The following TRIM2 variants were observed in gnomAD, a reference collection of about 807,000 sequenced individuals.
TRIM2 encodes tripartite motif-containing protein 2.
Under a neutral mutation model 75.2 loss-of-function variants are expected in TRIM2, and 20 were observed. That is an observed-to-expected ratio of 0.27 (90% confidence interval 0.19 to 0.39). The LOEUF is 0.39. Among genes scored for constraint, TRIM2 ranks in the 10% least tolerant of loss-of-function variants. The pLI, the probability that TRIM2 is intolerant of heterozygous loss-of-function variation, is 1.00. For missense variants in TRIM2, 660 were observed against 990.8 expected (o/e 0.67, Z 4.48); for synonymous variants, 373 against 388.3 (o/e 0.96, Z 0.46).
intron 1 of TRIM2, among the ~76,000 whole-genome samples, chr4:153,225,679 G>T (rs1741920409): frequency 6.6e-6 from 1 of 152,156 alleles, no homozygotes; most frequent in African/African-American, 2.4e-5. Flanking sequence ...AGGTAGAGAG[G>T]AAATTAAGGG....
At chr4:153,159,882 G>A in intron 1 of TRIM2, among the ~76,000 whole-genome samples, 1 of 152,026 alleles carries the variant, frequency 6.6e-6, no homozygotes, top group South Asian at 2.1e-4. Flanking sequence ...AATAAACTTT[G>A]AAAAAATTCA....
intron 1 of TRIM2, among the ~76,000 whole-genome samples, chr4:153,177,893 C>T (rs890699351): frequency 1.4e-4 from 22 of 152,010 alleles, no homozygotes; most frequent in Non-Finnish European, 3.1e-4. Context: ...CCTCCACCTC[C>T]AGGACTCCAG....
chr4:153,217,795 A>C (rs1434658642), intron 1 of TRIM2, among the ~76,000 whole-genome samples: 1 of 152,220 alleles, frequency 6.6e-6, no homozygotes, highest in Non-Finnish European at 1.5e-5. Flanking sequence ...ATGTTCACAC[A>C]GTCATAGCCA....
In TRIM2 at chr4:153,295,918, C is replaced by T. The variant is rs141510470; in HGVS notation, c.1392C>T (p.Arg464=). 6.2e-6 allele frequency: 10 copies of T among 1,608,488 alleles called. No homozygotes were observed. Among genetic ancestry groups the T allele is most frequent in the Middle Eastern group, 1.7e-4 (1 of 6,014 alleles). The change falls in exon 6 of 12, where the codon CGC becomes CGT. Residue 464 remains arginine, a synonymous_variant. Transcript: ENST00000338700. This position sits in a 1 kb window ranked among gnomAD's most constrained non-coding sequence, Gnocchi z 7.2. ...CCACCACAGAAGGCGTGAAGAGGCG[C>T]GTTAAGTCCCCGGGGAGCGGCCACG... ...VSPTTEGVKR[R]VKSPGSGHVK... is the part of the protein sequence containing the mutation.
intron 1 of TRIM2, among the ~76,000 whole-genome samples, chr4:153,232,948 C>A (rs114954953): frequency 0.017 from 2,641 of 152,218 alleles, 80 homozygotes; most frequent in African/African-American, 0.058. Context: ...GGTGACAGAG[C>A]CGGGTGGAGC....
In TRIM2 at chr4:153,248,665, G is replaced by A. The variant is rs1480939454; in HGVS notation, c.31-21670G>A. On this transcript the variant is annotated intron_variant, in intron 1 of 11. Coordinates refer to ENST00000338700, the MANE Select transcript of TRIM2 (RefSeq NM_015271.5). The surrounding 1 kb of genome is among the most constrained non-coding windows in gnomAD (Gnocchi z 4.0). Reference sequence around the variant, plus strand: ...ATCCAGATATGTCTCCAGAGCCCGTGCCTTAATCGCAGATGCATTCTGACT... The same window carrying A: ...ATCCAGATATGTCTCCAGAGCCCGTACCTTAATCGCAGATGCATTCTGACT... Among the ~76,000 whole-genome samples, 4 of 152,256 alleles carry A rather than the reference G, an allele frequency of 2.6e-5. No homozygotes were observed. The highest frequency in any genetic ancestry group is 1.9e-4 in the East Asian group (1 of 5,206).
intron 1 of TRIM2, among the ~76,000 whole-genome samples, chr4:153,212,589 T>G (rs780949132): frequency 4.6e-5 from 7 of 151,994 alleles, no homozygotes; most frequent in Non-Finnish European, 1.0e-4. Context: ...AGCCTGAGAG[T>G]TCGAGGCAGT....
intron 1 of TRIM2, among the ~76,000 whole-genome samples, chr4:153,239,834 C>CTTTTTTTT (rs372940429): frequency 2.5e-5 from 3 of 117,698 alleles, no homozygotes; most frequent in Admixed American, 9.3e-5. Flanking sequence ...CTTTCTTTCT[C>CTTTTTTTT]TTTTTTTTTT....
intron 6 of TRIM2, among the ~76,000 whole-genome samples, chr4:153,302,062 G>A (rs896603658): frequency 3.9e-5 from 6 of 152,092 alleles, no homozygotes; most frequent in Non-Finnish European, 8.8e-5. Flanking sequence ...AGATCACTTG[G>A]GGGTATGGGC....
At chr4:153,292,567 A>G (rs1475725664) in intron 3 of TRIM2, among the ~76,000 whole-genome samples, 1 of 152,238 alleles carries the variant, frequency 6.6e-6, no homozygotes, top group African/African-American at 2.4e-5. Context: ...CTGGGATTAT[A>G]GGCATACGCC....
At chr4:153,293,218 GTTCATAT>G (rs1762170703) in intron 4 of TRIM2, 85 bp downstream of exon 4, 2 of 1,352,976 alleles carry the variant, frequency 1.5e-6, no homozygotes, top group South Asian at 3.4e-5. Flanking sequence ...ACAAGAGTAG[GTTCATAT>G]TTCCCTTGAG....
chr4:153,195,405 A>C (rs974119462), intron 1 of TRIM2, among the ~76,000 whole-genome samples: 3 of 152,124 alleles, frequency 2.0e-5, no homozygotes, highest in African/African-American at 7.2e-5. Flanking sequence ...GGTCCCAGCT[A>C]CTCAGGAGGC....
At chr4:153,283,624 C>A (rs941083632) in intron 3 of TRIM2, among the ~76,000 whole-genome samples, 2 of 150,830 alleles carry the variant, frequency 1.3e-5, no homozygotes. Context: ...TTTTAAGGAA[C>A]CGTCAACTGT....
chr4:153,203,103 CAA>C (rs200371158), upstream of TRIM2, among the ~76,000 whole-genome samples: 106 of 87,320 alleles, frequency 1.2e-3, no homozygotes, highest in African/African-American at 3.3e-3. Context: ...GACTCCATCT[CAA>C]AAAAAAAAAA....
rs76595109 is a variant in TRIM2, at chr4:153,164,019, T to C, written c.-49+10749T>C. On this transcript the variant is annotated intron_variant, in intron 1 of 11. Coordinates refer to the TRIM2 transcript ENST00000437508. ...CAGATTTCTTACTGTGGCAAGTTTT[T>C]GTTTATCTAATTTAGTTTATCTGTA... 3.3e-3 allele frequency among the ~76,000 whole-genome samples: 501 copies of C among 152,352 alleles called. 4 individuals are homozygous for C. Among genetic ancestry groups the C allele is most frequent in the African/African-American group, 0.012 (479 of 41,580 alleles).
At chr4:153,294,555 T>C (rs1762414910) in intron 5 of TRIM2, 70 bp downstream of exon 5, 2 of 1,505,396 alleles carry the variant, frequency 1.3e-6, no homozygotes, top group East Asian at 4.6e-5. Flanking sequence ...TATTGTTTCC[T>C]AATAGCAACA....
At chr4:153,209,439 C>T (rs1736354610) in intron 1 of TRIM2, among the ~76,000 whole-genome samples, 1 of 152,170 alleles carries the variant, frequency 6.6e-6, no homozygotes. Context: ...CCTCAAGGCA[C>T]ATGCTGGGTA....
chr4:153,207,908 T>G (rs1735920714), intron 1 of TRIM2, among the ~76,000 whole-genome samples: 1 of 152,238 alleles, frequency 6.6e-6, no homozygotes, highest in African/African-American at 2.4e-5. Flanking sequence ...AAGTTAAACA[T>G]GGTTTGAAAT....
intron 6 of TRIM2, among the ~76,000 whole-genome samples, chr4:153,306,524 G>A (rs1274818224): frequency 1.3e-5 from 2 of 152,178 alleles, no homozygotes; most frequent in South Asian, 2.1e-4. Flanking sequence ...GTATAGAGAA[G>A]TTACTTTAAA....
Sources: gnomAD v4.1 joint callset for allele counts (sites outside exome capture counted in the v4.1 genomes callset) on GRCh38, gnomAD v4.1.1 for gene constraint, Gnocchi (gnomAD v3.1) non-coding constraint, MANE v1.5 for transcripts, NCBI Gene and HGNC (gene_info 2026-07-23, HGNC 2026-07-21) for gene names.